Variants in PECAM1 observed in about 807,000 individuals in gnomAD.
PECAM1 encodes the protein platelet endothelial cell adhesion molecule.
In PECAM1, 8 loss-of-function variants were observed where a neutral mutation model predicts 13.8. The observed-to-expected ratio is 0.58, with a 90% CI of 0.34 to 1.05. The LOEUF (loss-of-function observed/expected upper bound fraction) is 1.05. Ranked by LOEUF, PECAM1 falls within the 50% of genes least tolerant of loss-of-function variation. PECAM1 has a pLI of 0.03. For missense variants in PECAM1, 304 were observed against 141.2 expected (o/e 2.15, Z -5.84); for synonymous variants, 136 against 52.6 (o/e 2.58, Z -6.86).
Position 64,323,517 on chromosome 17 carries a change from GAATATCCC to G in PECAM1, c.*291_*298del. On this transcript the variant is annotated 3_prime_UTR_variant, in exon 16 of 16. Transcript: ENST00000563924. ...CACAAAACAAAATATTCAAGTTTCAGAATATCCCAATGGCCTTGCCCTGGATCTCCTCT... is the reference window on the plus strand; with the variant it reads ...CACAAAACAAAATATTCAAGTTTCAGAATGGCCTTGCCCTGGATCTCCTCT... 1 of 1,355,448 alleles carries G rather than the reference GAATATCCC, an allele frequency of 7.4e-7. No homozygotes were observed. Among genetic ancestry groups the G allele is most frequent in the Non-Finnish European group, 9.5e-7 (1 of 1,050,852 alleles). 84.0% of individuals were successfully genotyped at this position (1,355,448 alleles called of 1,614,324 possible). A position where few individuals can be genotyped will look rare whatever the true frequency, so the allele number is the denominator to read the frequency against.
chr17:64,321,741 A>G lies in PECAM1; in HGVS notation c.*2075T>C. 1 of 1,211,244 alleles carries G rather than the reference A, an allele frequency of 8.3e-7. No homozygotes were observed. The highest frequency in any genetic ancestry group is 1.1e-6 in the Non-Finnish European group (1 of 932,396). 75.0% of individuals were successfully genotyped at this position (1,211,244 alleles called of 1,614,324 possible). A position where few individuals can be genotyped will look rare whatever the true frequency, so the allele number is the denominator to read the frequency against. On this transcript the variant is annotated 3_prime_UTR_variant, in exon 16 of 16. Transcript: ENST00000563924. ...GTGCCACTGCACTCCAGCCTGGGCA[A>G]CAGAGCAAGCCCCTGTCTCAACAAA...
At chr17:64,371,959 A>T (rs1490515557) in intron 4 of PECAM1, among the ~76,000 whole-genome samples, 1 of 152,222 alleles carries the variant, frequency 6.6e-6, no homozygotes, top group Non-Finnish European at 1.5e-5. Flanking sequence ...AATGAAAATG[A>T]CAAGGCATAT....
intron 11 of PECAM1, among the ~76,000 whole-genome samples, chr17:64,351,113 A>C (rs1336063354): frequency 1.3e-5 from 2 of 152,122 alleles, no homozygotes; most frequent in Non-Finnish European, 2.9e-5. Flanking sequence ...GCTGACCTCA[A>C]GTGATCCACC....
Position 64,369,095 on chromosome 17 carries a change from C to T in PECAM1, c.967+655G>A, listed in dbSNP as rs1446390351. ...GAGATTACAGGCATGCTGCCATGCC[C>T]AGCTAATTTTCGTATTTTTAGTAGA... On this transcript the variant is annotated intron_variant, in intron 5 of 15. Coordinates refer to ENST00000563924, the MANE Select transcript of PECAM1 (RefSeq NM_000442.5). Among the ~76,000 whole-genome samples the T allele has an allele frequency of 1.6e-4, 25 of 151,798 alleles. 1 individual carries two copies. The South Asian group carries it at 4.6e-3, about 28-fold the overall frequency.
rs2229391 is a variant in PECAM1 at position 64,356,352 on chromosome 17, C to T, written c.1539G>A (p.Val513=). ...GCAGCACAATGTCCTCTCCAGACTCCACCACCTTACTTGACAGGATAGAAA... is the reference window on the plus strand; with the variant it reads ...GCAGCACAATGTCCTCTCCAGACTCTACCACCTTACTTGACAGGATAGAAA... ...VQISILSSKV[V]ESGEDIVLQC... The change falls in exon 8 of 16, where the codon GTG becomes GTA. Residue 513 remains valine (V), a synonymous_variant. Coordinates refer to ENST00000563924, the MANE Select transcript of PECAM1 (RefSeq NM_000442.5). 0.025 allele frequency: 11,859 copies of T among 473,344 alleles called. 245 individuals are homozygous for T. The highest frequency in any genetic ancestry group is 0.031 in the Non-Finnish European group (8,102 of 258,248). The allele number at this position is 473,344 out of a possible 1,614,324, so 29.3% of individuals were successfully genotyped here.
At chr17:64,380,280 A>G (rs2036453383) in intron 2 of PECAM1, among the ~76,000 whole-genome samples, 1 of 151,964 alleles carries the variant, frequency 6.6e-6, no homozygotes, top group African/African-American at 2.4e-5. Context: ...GTGAGCTGAG[A>G]TCGCGCCATT....
intron 2 of PECAM1, among the ~76,000 whole-genome samples, chr17:64,382,133 A>C (rs1490008005): frequency 6.6e-6 from 1 of 151,948 alleles, no homozygotes; most frequent in Non-Finnish European, 1.5e-5. Flanking sequence ...GACCATATTA[A>C]TTTCTCTGCA....
chr17:64,379,357 T>C (rs1267713603), intron 2 of PECAM1, among the ~76,000 whole-genome samples: 1 of 152,204 alleles, frequency 6.6e-6, no homozygotes, highest in African/African-American at 2.4e-5. Context: ...GGTGGATTGC[T>C]TAAAATTGGG....
At chr17:64,375,541 C>T (rs1422351954) in intron 3 of PECAM1, among the ~76,000 whole-genome samples, 185 bp from the exon 4 acceptor site, 1 of 152,038 alleles carries the variant, frequency 6.6e-6, no homozygotes, top group Non-Finnish European at 1.5e-5. Context: ...AGGTATGTGC[C>T]CAGCACAGTA....
At chr17:64,335,068 A>G (rs1157515103) in intron 14 of PECAM1, among the ~76,000 whole-genome samples, 1 of 152,098 alleles carries the variant, frequency 6.6e-6, no homozygotes, top group East Asian at 1.9e-4. Flanking sequence ...TTAGAAATGC[A>G]CGTTTTCGGC....
At chr17:64,342,666 T>A (rs2035464458) in intron 13 of PECAM1, among the ~76,000 whole-genome samples, 1 of 152,014 alleles carries the variant, frequency 6.6e-6, no homozygotes, top group South Asian at 2.1e-4. Flanking sequence ...GCTGAGATCC[T>A]CTGGGCTAGA....
Position 64,375,141 on chromosome 17 carries a change from C to T in PECAM1, c.601G>A (p.Val201Ile), listed in dbSNP as rs1330532669. Residue 201 changes from valine (V) to isoleucine (I), a missense_variant, in exon 4 of 16, where the codon GTT becomes ATT. Coordinates refer to ENST00000563924, the MANE Select transcript of PECAM1 (RefSeq NM_000442.5). ...LEFPVEEQDR[V>I]LSFRCQARII... ...CTAGCTTGACATCGGAAGGATAAAA[C>T]GCGGTCCTGTTCCTCAACGGGGAAT... is the stretch of plus-strand genomic sequence containing the variant. The T allele has an allele frequency of 1.3e-5, 6 of 475,390 alleles. No homozygotes were observed. In the East Asian group the frequency reaches 1.6e-4, roughly 12 times the overall value. 29.4% of individuals were successfully genotyped at this position (475,390 alleles called of 1,614,324 possible).
chr17:64,338,006 C>G lies in PECAM1; in HGVS notation c.2164+3628G>C, dbSNP rs1026282075. On this transcript the variant is annotated intron_variant, in intron 14 of 15. Coordinates refer to ENST00000563924, the MANE Select transcript of PECAM1 (RefSeq NM_000442.5). ...TCTGTCTTGTGTAATTTGCAGGGCC[C>G]CAGTCAGAAAACCTAAGAGAGTAAA... is the stretch of plus-strand genomic sequence containing the variant. 2.6e-5 allele frequency among the ~76,000 whole-genome samples: 4 copies of G among 151,392 alleles called. No individual in the cohort carries two copies. In the East Asian group the frequency reaches 7.8e-4, roughly 29 times the overall value.
intron 2 of PECAM1, among the ~76,000 whole-genome samples, chr17:64,382,439 C>A (rs1177504825): frequency 6.6e-6 from 1 of 152,128 alleles, no homozygotes; most frequent in Non-Finnish European, 1.5e-5. Flanking sequence ...TAAATGAGAA[C>A]CTGAGTTTAA....
At chr17:64,373,806 G>GT (rs1440034953) in intron 4 of PECAM1, among the ~76,000 whole-genome samples, 2 of 152,232 alleles carry the variant, frequency 1.3e-5, no homozygotes, top group South Asian at 2.1e-4. Flanking sequence ...ATGACAAAAT[G>GT]TAAGTTTCCT....
intron 4 of PECAM1, among the ~76,000 whole-genome samples, chr17:64,371,972 G>T (rs1203225597): frequency 2.0e-5 from 3 of 152,124 alleles, no homozygotes; most frequent in Non-Finnish European, 2.9e-5. Context: ...AGGCATATAT[G>T]AATAGGTGGT....
intron 14 of PECAM1, among the ~76,000 whole-genome samples, chr17:64,338,908 T>A (rs2035354017): frequency 6.6e-6 from 1 of 152,204 alleles, no homozygotes; most frequent in African/African-American, 2.4e-5. Context: ...GAGTTACTCA[T>A]CATTGATGTT....
intron 7 of PECAM1, among the ~76,000 whole-genome samples, chr17:64,357,837 G>A (rs1446651342): frequency 6.6e-6 from 1 of 152,092 alleles, no homozygotes; most frequent in Non-Finnish European, 1.5e-5. Flanking sequence ...GCTTCACATG[G>A]GCTTCACATT....
chr17:64,368,939 T>TTC (rs1555652395), intron 5 of PECAM1, among the ~76,000 whole-genome samples: 1 of 110,328 alleles, frequency 9.1e-6, no homozygotes, highest in African/African-American at 3.4e-5. Context: ...TTCTTTTTTT[T>TTC]TTTTTTTTTT....
Sources: allele counts gnomAD v4.1 joint callset (sites outside exome capture counted in the v4.1 genomes callset), GRCh38; gene constraint gnomAD v4.1.1; transcripts MANE v1.5; gene names NCBI Gene and HGNC (gene_info 2026-07-23, HGNC 2026-07-21).